PTPRE: variants seen among roughly 807,000 people sequenced by gnomAD.
The protein encoded by PTPRE is receptor-type tyrosine-protein phosphatase epsilon.
PTPRE carries 51 observed loss-of-function variants against 102.0 expected under a neutral mutation model. That is an observed-to-expected ratio of 0.50 (90% CI 0.40 to 0.63). PTPRE has a LOEUF of 0.63. PTPRE is among the 30% of genes least tolerant of loss of function. The pLI is 0.00. For missense variants in PTPRE, 752 were observed against 915.1 expected, an observed-to-expected ratio of 0.82 and a Z score of 2.30; for synonymous variants, 345 against 348.2, an observed-to-expected ratio of 0.99 and a Z score of 0.10.
At chr10:128,031,338 G>A (rs183005657) in intron 2 of PTPRE, among the ~76,000 whole-genome samples, 5 of 152,230 alleles carry the variant, frequency 3.3e-5, no homozygotes, top group African/African-American at 9.6e-5. Context: ...ACCCCTGAGC[G>A]GAGGCTCCGT....
intron 1 of PTPRE, among the ~76,000 whole-genome samples, chr10:127,945,774 C>G (rs1848577788): frequency 1.3e-5 from 2 of 152,138 alleles, no homozygotes; most frequent in Admixed American, 1.3e-4. Context: ...CCTCTCTCCT[C>G]CTCTGCTTGT....
At chr10:127,995,396 C>T (rs1853147604) in intron 2 of PTPRE, among the ~76,000 whole-genome samples, 1 of 152,132 alleles carries the variant, frequency 6.6e-6, no homozygotes, top group Admixed American at 6.5e-5. Context: ...CATCCGCGTC[C>T]CTGGAGATGG....
At chr10:127,955,474 T>A (rs1849338623) in intron 1 of PTPRE, among the ~76,000 whole-genome samples, 1 of 152,224 alleles carries the variant, frequency 6.6e-6, no homozygotes, top group African/African-American at 2.4e-5. Context: ...ATTTCCTCCC[T>A]ATTTTGTTAA....
chr10:127,989,455 A>G (rs1852415685), intron 2 of PTPRE, among the ~76,000 whole-genome samples: 1 of 152,222 alleles, frequency 6.6e-6, no homozygotes, highest in African/African-American at 2.4e-5. Context: ...ATGCAGAGGC[A>G]GCAGTCCAGG....
intron 3 of PTPRE, among the ~76,000 whole-genome samples, chr10:128,045,607 G>T (rs1317464057): frequency 6.6e-6 from 1 of 152,192 alleles, no homozygotes; most frequent in Non-Finnish European, 1.5e-5. Context: ...CTGGGCTCCA[G>T]GCTGCCCCTC....
chr10:128,002,683 C>A (rs1301857254), intron 2 of PTPRE, among the ~76,000 whole-genome samples: 1 of 41,154 alleles, frequency 2.4e-5, no homozygotes, highest in Non-Finnish European at 4.1e-5. Flanking sequence ...AGTCACATAT[C>A]TTTTTTTTTT....
At chr10:127,948,560 C>T (rs1228531641) in intron 1 of PTPRE, among the ~76,000 whole-genome samples, 2 of 152,176 alleles carry the variant, frequency 1.3e-5, no homozygotes, top group African/African-American at 4.8e-5. Flanking sequence ...TTTACTGTCT[C>T]CATAGTTTTG....
intron 1 of PTPRE, among the ~76,000 whole-genome samples, chr10:127,961,673 T>A (rs1329229273): frequency 6.6e-6 from 1 of 152,178 alleles, no homozygotes; most frequent in Non-Finnish European, 1.5e-5. Context: ...GGACTGGCTG[T>A]CCTTTACTGT....
intron 19 of PTPRE, among the ~76,000 whole-genome samples, chr10:128,078,058 CA>C (rs1333753756): frequency 1.3e-5 from 2 of 152,214 alleles, no homozygotes; most frequent in Non-Finnish European, 2.9e-5. Flanking sequence ...CACACATTTC[CA>C]TGTGCTTTTG....
chr10:128,014,847 CTG>C (rs1845294065), intron 2 of PTPRE, among the ~76,000 whole-genome samples: 1 of 152,074 alleles, frequency 6.6e-6, no homozygotes, highest in Non-Finnish European at 1.5e-5. Context: ...ATTTGTGGAA[CTG>C]CAGCCCCAGG....
At chr10:127,959,747 G>A (rs186627131) in intron 1 of PTPRE, among the ~76,000 whole-genome samples, 24 of 152,262 alleles carry the variant, frequency 1.6e-4, no homozygotes, top group Admixed American at 1.5e-3. Context: ...TCCCAGCAGG[G>A]TGACTTAGGA....
chr10:128,025,216 A>G (rs1422549206), intron 2 of PTPRE, among the ~76,000 whole-genome samples: 5 of 151,708 alleles, frequency 3.3e-5, no homozygotes, highest in Non-Finnish European at 2.9e-5. Context: ...ATTATGAAGC[A>G]TTGTTAACTC....
chr10:127,942,835 T>C (rs1848345980), intron 1 of PTPRE, among the ~76,000 whole-genome samples: 1 of 152,252 alleles, frequency 6.6e-6, no homozygotes, highest in African/African-American at 2.4e-5. Flanking sequence ...GTAATGCCCC[T>C]GAACTGTACA....
intron 7 of PTPRE, among the ~76,000 whole-genome samples, chr10:128,056,881 G>C (rs1849018741): frequency 6.6e-6 from 1 of 151,998 alleles, no homozygotes; most frequent in Admixed American, 6.6e-5. Flanking sequence ...AGCCTGTCTT[G>C]GTGCCAAGAC....
chr10:127,983,376 G>T (rs561087483), intron 2 of PTPRE, among the ~76,000 whole-genome samples: 1 of 152,260 alleles, frequency 6.6e-6, no homozygotes. Flanking sequence ...ATTATAAGAC[G>T]TTGTTGATTC....
intron 2 of PTPRE, among the ~76,000 whole-genome samples, chr10:128,017,936 T>G (rs1590024910): frequency 6.6e-6 from 1 of 152,208 alleles, no homozygotes; most frequent in Admixed American, 6.5e-5. Context: ...TCGGGCATCC[T>G]GCATGCTTCG....
chr10:128,071,867 A>T lies in PTPRE; in HGVS notation c.1388-271A>T, dbSNP rs116304402. ...ACATTCCATTTACTCCTTCAGCGCAATATTTTTAGTGCTTGTATTTTGGTA... is the reference window on the plus strand; with the variant it reads ...ACATTCCATTTACTCCTTCAGCGCATTATTTTTAGTGCTTGTATTTTGGTA... On this transcript the variant is annotated intron_variant, in intron 15 of 20. Transcript: ENST00000254667. The T allele has an allele frequency of 6.9e-3, 2,358 of 339,650 alleles. 64 individuals are homozygous for T. Among genetic ancestry groups the T allele is most frequent in the African/African-American group, 0.047 (2,172 of 46,708 alleles). 21.0% of individuals were successfully genotyped at this position (339,650 alleles called of 1,614,324 possible).
intron 2 of PTPRE, among the ~76,000 whole-genome samples, chr10:127,994,128 C>G (rs775879449): frequency 1.4e-4 from 22 of 152,324 alleles, no homozygotes; most frequent in Non-Finnish European, 2.5e-4. Context: ...ATGAGGGGCT[C>G]TCTTCTGAGT....
rs540300692 is a variant in PTPRE, at chr10:127,909,249, CT to C, written c.-31+1941del. On this transcript the variant is annotated intron_variant, in intron 1 of 20. Coordinates refer to ENST00000254667, the MANE Select transcript of PTPRE (RefSeq NM_006504.6). ...CGGCTGTGTGTGTACATCCTTGCCC[CT>C]GAGAAGAGAGGTGGCTGTGTGTGCA... Among the ~76,000 whole-genome samples the C allele has an allele frequency of 7.6e-3, 1,154 of 152,300 alleles. 13 individuals are homozygous for C. Among genetic ancestry groups the C allele is most frequent in the Non-Finnish European group, 0.011 (736 of 68,034 alleles).
Sources: gnomAD v4.1 joint callset for allele counts (sites outside exome capture counted in the v4.1 genomes callset) on GRCh38, gnomAD v4.1.1 for gene constraint, MANE v1.5 for transcripts, NCBI Gene and HGNC (gene_info 2026-07-23, HGNC 2026-07-21) for gene names.